The following COL4A5 variants were observed in gnomAD, a reference collection of about 807,000 sequenced individuals.
The protein encoded by COL4A5 is collagen type IV alpha 5 chain.
In COL4A5, 26 loss-of-function variants were observed where a neutral mutation model predicts 130.2. The observed-to-expected ratio is 0.20, with a 90% CI of 0.15 to 0.28. The LOEUF (loss-of-function observed/expected upper bound fraction) is 0.28. COL4A5 is among the 10% of genes least tolerant of loss of function. The pLI is 1.00. For missense variants in COL4A5, 1,131 were observed against 1,344.3 expected, an observed-to-expected ratio of 0.84 and a Z score of 2.48; for synonymous variants, 496 against 439.6, an observed-to-expected ratio of 1.13 and a Z score of -1.60.
chrX:108,536,765 T>C (rs2065463862), intron 1 of COL4A5, among the ~76,000 whole-genome samples: 1 of 111,554 alleles, frequency 9.0e-6, no homozygotes, highest in African/African-American at 3.3e-5. Flanking sequence ...TGGCAAATCC[T>C]ACAGAATCAC....
chrX:108,545,063 C>T (rs1289859705), intron 2 of COL4A5, among the ~76,000 whole-genome samples: 3 of 111,602 alleles, frequency 2.7e-5, no homozygotes, highest in East Asian at 5.6e-4. Context: ...AAAACCAGCT[C>T]CTGGATTCAT....
intron 1 of COL4A5, among the ~76,000 whole-genome samples, chrX:108,461,017 C>A (rs2064644382): frequency 9.1e-6 from 1 of 110,479 alleles, no homozygotes; most frequent in African/African-American, 3.3e-5. Context: ...GCTTATTAGA[C>A]CTTATCACAG....
At chrX:108,641,300 A>G (rs773266326) in intron 36 of COL4A5, among the ~76,000 whole-genome samples, 47 of 112,116 alleles carry the variant, frequency 4.2e-4, no homozygotes, top group Non-Finnish European at 6.4e-4. Flanking sequence ...CCAAAAGTGA[A>G]GAAAACCCAA....
At chrX:108,492,600 G>T (rs749527391) in intron 1 of COL4A5, among the ~76,000 whole-genome samples, 1 of 111,601 alleles carries the variant, frequency 9.0e-6, no homozygotes, top group South Asian at 3.7e-4. Context: ...TCATTAATCT[G>T]CTATTTAGCT....
At chrX:108,516,590 A>G (rs2065223545) in intron 1 of COL4A5, among the ~76,000 whole-genome samples, 1 of 111,781 alleles carries the variant, frequency 8.9e-6, no homozygotes, top group South Asian at 3.7e-4. Flanking sequence ...CAATAAAGAT[A>G]TTCTTACCAT....
intron 36 of COL4A5, among the ~76,000 whole-genome samples, chrX:108,650,940 ACAAG>A (rs1346947140): frequency 9.0e-6 from 1 of 111,379 alleles, no homozygotes; most frequent in Non-Finnish European, 1.9e-5. Flanking sequence ...ATTAAAAAAA[ACAAG>A]CAAACAAAAA....
intron 1 of COL4A5, among the ~76,000 whole-genome samples, chrX:108,488,639 A>G (rs989075713): frequency 1.8e-5 from 2 of 112,389 alleles, no homozygotes; most frequent in African/African-American, 3.2e-5. Flanking sequence ...AAAAAATACT[A>G]TGTTTTTAAT....
At chrX:108,649,740 C>T (rs1320920427) in intron 36 of COL4A5, among the ~76,000 whole-genome samples, 1 of 111,555 alleles carries the variant, frequency 9.0e-6, no homozygotes, top group African/African-American at 3.3e-5. Flanking sequence ...CATCTCTCAC[C>T]TTATACAAAA....
At chrX:108,460,656 A>ATTTTTTTTTT (rs751991149) in intron 1 of COL4A5, among the ~76,000 whole-genome samples, 1 of 39,453 alleles carries the variant, frequency 2.5e-5, no homozygotes, top group Non-Finnish European at 4.5e-5. Flanking sequence ...CGCCTGGCAA[A>ATTTTTTTTTT]TTTTTTTTTT....
At chrX:108,563,355 G>C (rs2065923827) in intron 3 of COL4A5, among the ~76,000 whole-genome samples, 1 of 111,321 alleles carries the variant, frequency 9.0e-6, no homozygotes, top group South Asian at 3.8e-4. Context: ...CTGACAGCTA[G>C]GAAGGAAAGT....
intron 3 of COL4A5, among the ~76,000 whole-genome samples, chrX:108,560,517 A>G (rs1384012007): frequency 8.8e-6 from 1 of 113,064 alleles, no homozygotes; most frequent in Non-Finnish European, 1.9e-5. Context: ...TAATTGAGCG[A>G]TGCTCACAGT....
At chrX:108,523,215 A>G (rs1474339464) in intron 1 of COL4A5, among the ~76,000 whole-genome samples, 1 of 111,272 alleles carries the variant, frequency 9.0e-6, no homozygotes, top group Non-Finnish European at 1.9e-5. Flanking sequence ...TAAGAGTTTT[A>G]TAGTTTTAGT....
chrX:108,508,097 T>TA (rs1177941947), intron 1 of COL4A5, among the ~76,000 whole-genome samples: 1 of 111,318 alleles, frequency 9.0e-6, no homozygotes, highest in Non-Finnish European at 1.9e-5. Flanking sequence ...GAAGTCAAAC[T>TA]ATTCCTGTTT....
chrX:108,440,615 G>T, intron 1 of COL4A5: 1 of 151,878 alleles, frequency 6.6e-6, no homozygotes, highest in Non-Finnish European at 1.3e-5. Context: ...TTTGTCTGTA[G>T]TTTAATATTT....
At chrX:108,604,662 T>A (rs2066698803) in intron 28 of COL4A5, among the ~76,000 whole-genome samples, 1 of 112,191 alleles carries the variant, frequency 8.9e-6, no homozygotes, top group African/African-American at 3.2e-5. Context: ...CAGCCTGCCT[T>A]TTGAAGCTTT....
chrX:108,583,498 A>G (rs939529411), intron 17 of COL4A5, among the ~76,000 whole-genome samples: 8 of 111,824 alleles, frequency 7.2e-5, no homozygotes, highest in African/African-American at 2.6e-4. Context: ...AGCAGGGCAC[A>G]AAATAACCAG....
chrX:108,461,389 C>G (rs898967632), intron 1 of COL4A5, among the ~76,000 whole-genome samples: 17 of 111,211 alleles, frequency 1.5e-4, no homozygotes, highest in African/African-American at 5.2e-4. Flanking sequence ...GGTTCAAAAT[C>G]AGATCTTTCT....
chrX:108,465,144 A>C (rs2064693268), intron 1 of COL4A5, among the ~76,000 whole-genome samples: 1 of 111,884 alleles, frequency 8.9e-6, no homozygotes, highest in Admixed American at 9.5e-5. Context: ...CATAATTTTC[A>C]TTTCTCTTGG....
intron 36 of COL4A5, among the ~76,000 whole-genome samples, chrX:108,647,374 T>C (rs1316374276): frequency 7.2e-5 from 8 of 111,573 alleles, no homozygotes; most frequent in Non-Finnish European, 5.6e-5. Context: ...ATGATTTGGC[T>C]CTCTGTTTGT....
Sources: allele counts gnomAD v4.1 joint callset (sites outside exome capture counted in the v4.1 genomes callset), GRCh38; gene constraint gnomAD v4.1.1; transcripts MANE v1.5; gene names NCBI Gene and HGNC (gene_info 2026-07-23, HGNC 2026-07-21).